Variants in ARHGAP5 observed in about 807,000 individuals in gnomAD.
The protein encoded by ARHGAP5 is Rho GTPase activating protein 5, also known as rho GTPase-activating protein 5.
Under a neutral mutation model 116.6 loss-of-function variants are expected in ARHGAP5, and 23 were observed. That is an observed-to-expected ratio of 0.20 (90% confidence interval 0.14 to 0.28). The LOEUF (loss-of-function observed/expected upper bound fraction) is 0.28. Ranked by LOEUF, ARHGAP5 falls within the 10% of genes least tolerant of loss-of-function variation. The pLI is 1.00. For synonymous variants in ARHGAP5, 574 were observed against 602.0 expected (o/e 0.95, Z 0.68); for missense variants, 1,405 against 1,774.8 (o/e 0.79, Z 3.74).
At chr14:32,152,330 C>A in intron 5 of ARHGAP5, 93 bp from the exon 6 acceptor site, 1 of 856,544 alleles carries the variant, frequency 1.2e-6, no homozygotes, top group Non-Finnish European at 1.9e-6. Context: ...TAAACACATT[C>A]TTGACTGTTA....
At chr14:32,103,931 C>T (rs1878899671) in intron 2 of ARHGAP5, among the ~76,000 whole-genome samples, 1 of 152,112 alleles carries the variant, frequency 6.6e-6, no homozygotes, top group South Asian at 2.1e-4. Context: ...ATGATTGTAT[C>T]GTAGTCAAAA....
chr14:32,117,107 T>C, intron 2 of ARHGAP5, 33 bp from the exon 3 acceptor site: 1 of 1,516,690 alleles, frequency 6.6e-7, no homozygotes, highest in African/African-American at 1.4e-5. Context: ...AAATTAATTT[T>C]AATAGTGTTA....
intron 2 of ARHGAP5, among the ~76,000 whole-genome samples, chr14:32,101,556 T>C (rs764267284): frequency 5.9e-5 from 9 of 152,110 alleles, no homozygotes; most frequent in Non-Finnish European, 1.3e-4. Flanking sequence ...TTTTGTTTTT[T>C]AGTGTGTATC....
intron 1 of ARHGAP5, among the ~76,000 whole-genome samples, chr14:32,077,824 G>A (rs2041724912): frequency 6.6e-6 from 1 of 152,150 alleles, no homozygotes; most frequent in Non-Finnish European, 1.5e-5. Flanking sequence ...GGTGTCCGTT[G>A]GCCGGGTTGC....
chr14:32,077,917 C>T (rs2041726834), intron 1 of ARHGAP5, among the ~76,000 whole-genome samples: 2 of 152,162 alleles, frequency 1.3e-5, no homozygotes, highest in South Asian at 2.1e-4. Context: ...CAAACTTAAA[C>T]GCCTTGTAGG....
intron 3 of ARHGAP5, among the ~76,000 whole-genome samples, chr14:32,132,037 A>G (rs182008039): frequency 3.3e-4 from 50 of 152,354 alleles, no homozygotes; most frequent in East Asian, 1.7e-3. Context: ...TAGTGCCGCA[A>G]TAAACATACA....
At chr14:32,122,973 G>A (rs1269770146) in intron 3 of ARHGAP5, among the ~76,000 whole-genome samples, 4 of 152,180 alleles carry the variant, frequency 2.6e-5, no homozygotes, top group Non-Finnish European at 4.4e-5. Context: ...GTTTTAGGCT[G>A]ATGGGTTTTC....
Position 32,094,395 on chromosome 14 carries a change from A to C in ARHGAP5, c.3717+9A>C, listed in dbSNP as rs78363642. On this transcript the variant is annotated intron_variant, in intron 2 of 6. Coordinates refer to ENST00000345122, the MANE Select transcript of ARHGAP5 (RefSeq NM_001030055.2). ...TGAAAGAAGATAAAAAGGTAAGGTT[A>C]ACTTAAGGTCAGTGATGTTTATAAA... is the stretch of plus-strand genomic sequence containing the variant. 0.014 allele frequency: 21,347 copies of C among 1,546,332 alleles called. 196 individuals are homozygous for C. The highest frequency in any genetic ancestry group is 0.015 in the Non-Finnish European group (17,634 of 1,150,674).
intron 3 of ARHGAP5, among the ~76,000 whole-genome samples, chr14:32,140,772 G>T (rs1337746536): frequency 6.6e-6 from 1 of 152,074 alleles, no homozygotes; most frequent in Non-Finnish European, 1.5e-5. Context: ...TGTTACATGT[G>T]CATTTAAAGA....
At chr14:32,153,475 GTT>G (rs760319450) in intron 6 of ARHGAP5, among the ~76,000 whole-genome samples, 3 of 95,572 alleles carry the variant, frequency 3.1e-5, no homozygotes, top group Admixed American at 1.2e-4. Flanking sequence ...TAGCAGCCAG[GTT>G]TTTTTTTTTT....
intron 2 of ARHGAP5, among the ~76,000 whole-genome samples, chr14:32,113,812 G>C (rs1261120366): frequency 6.6e-6 from 1 of 152,204 alleles, no homozygotes; most frequent in Admixed American, 6.5e-5. Flanking sequence ...GGAACATTTA[G>C]AGTTGGCTAG....
rs571929116 is a variant in ARHGAP5 at position 32,142,579 on chromosome 14, G to A, written c.3866-3684G>A. 2.0e-5 allele frequency among the ~76,000 whole-genome samples: 3 copies of A among 152,328 alleles called. No individual in the cohort carries two copies. In the South Asian group the frequency reaches 6.2e-4, roughly 32 times the overall value. On this transcript the variant is annotated intron_variant, in intron 3 of 6. Transcript: ENST00000345122. ...ACAACACTTTCCAAGTCTTGTGGGTGAAACAAAGGCAAGCCCTTGTGCCTT... is the reference window on the plus strand; with the variant it reads ...ACAACACTTTCCAAGTCTTGTGGGTAAAACAAAGGCAAGCCCTTGTGCCTT...
chr14:32,156,070 G>GTGT lies in ARHGAP5; in HGVS notation c.*1126_*1128dup, dbSNP rs559908924. 8.7e-4 allele frequency: 132 copies of GTGT among 152,536 alleles called. No individual in the cohort carries two copies. The highest frequency in any genetic ancestry group is 2.8e-3 in the African/African-American group (115 of 41,548). The allele number at this position is 152,536 out of a possible 1,614,324, so 9.4% of individuals were successfully genotyped here. The stretch of plus-strand genomic sequence containing the variant: ...TTGTATTCATATTCTTTTCTGTGAT[G>GTGT]TGTTGTACTAAAATCCAAAATGGCT... On this transcript the variant is annotated 3_prime_UTR_variant, in exon 7 of 7. Coordinates refer to ENST00000345122, the MANE Select transcript of ARHGAP5 (RefSeq NM_001030055.2).
At chr14:32,151,432 A>G (rs561307748) in intron 5 of ARHGAP5, among the ~76,000 whole-genome samples, 1 of 152,384 alleles carries the variant, frequency 6.6e-6, no homozygotes, top group Non-Finnish European at 1.5e-5. Flanking sequence ...CTGTAAAGGA[A>G]AATCTTTGAT....
chr14:32,080,965 G>A (rs1442903139), intron 1 of ARHGAP5, among the ~76,000 whole-genome samples: 1 of 152,078 alleles, frequency 6.6e-6, no homozygotes. Flanking sequence ...AGAGTCTCAA[G>A]CTTTTCATCA....
At chr14:32,119,474 G>A (rs1268634291) in intron 3 of ARHGAP5, among the ~76,000 whole-genome samples, 3 of 152,030 alleles carry the variant, frequency 2.0e-5, no homozygotes, top group African/African-American at 7.2e-5. Flanking sequence ...CTTTATTGAT[G>A]TAATTTACAT....
chr14:32,088,206 T>C (rs1031460372), intron 1 of ARHGAP5, among the ~76,000 whole-genome samples: 1 of 151,968 alleles, frequency 6.6e-6, no homozygotes, highest in African/African-American at 2.4e-5. Context: ...GTCTTTGAAT[T>C]ACTCTTGGTT....
intron 3 of ARHGAP5, among the ~76,000 whole-genome samples, chr14:32,134,143 A>G (rs1461576182): frequency 6.6e-6 from 1 of 152,186 alleles, no homozygotes; most frequent in Admixed American, 6.5e-5. Context: ...TGGGCTTGTC[A>G]TACTTCTTTA....
At chr14:32,095,473 C>T (rs1244477485) in intron 2 of ARHGAP5, among the ~76,000 whole-genome samples, 3 of 135,924 alleles carry the variant, frequency 2.2e-5, no homozygotes, top group South Asian at 2.3e-4. Flanking sequence ...AGGGTAGTGG[C>T]GCAATCTTGG....
Sources: allele counts gnomAD v4.1 joint callset (sites outside exome capture counted in the v4.1 genomes callset), GRCh38; gene constraint gnomAD v4.1.1; transcripts MANE v1.5; gene names NCBI Gene and HGNC (gene_info 2026-07-23, HGNC 2026-07-21).